CDKAL1: variants seen among roughly 807,000 people sequenced by gnomAD.
CDKAL1 encodes the protein CDKAL1 threonylcarbamoyladenosine tRNA methylthiotransferase.
A neutral mutation model predicts 68.2 loss-of-function variants in CDKAL1; 32 were observed. That is an observed-to-expected ratio of 0.47 (90% CI 0.35 to 0.63). CDKAL1 has a LOEUF of 0.63. CDKAL1 is among the 30% of genes least tolerant of loss of function. The pLI, the probability that CDKAL1 is intolerant of heterozygous loss-of-function variation, is 0.00. For missense variants in CDKAL1, 606 were observed against 696.7 expected, an observed-to-expected ratio of 0.87 and a Z score of 1.47; for synonymous variants, 234 against 244.3, an observed-to-expected ratio of 0.96 and a Z score of 0.39.
At chr6:21,085,543 A>C (rs1772643292) in intron 12 of CDKAL1, among the ~76,000 whole-genome samples, 1 of 152,196 alleles carries the variant, frequency 6.6e-6, no homozygotes, top group Non-Finnish European at 1.5e-5. Context: ...CACTGTTAAC[A>C]AAAAAGTAAC....
intron 12 of CDKAL1, among the ~76,000 whole-genome samples, chr6:21,081,548 A>G (rs903063066): frequency 6.6e-6 from 1 of 151,842 alleles, no homozygotes; most frequent in Non-Finnish European, 1.5e-5. Flanking sequence ...ACTTCTAAAG[A>G]TAAAGAACCT....
intron 4 of CDKAL1, among the ~76,000 whole-genome samples, chr6:20,645,303 TATA>T (rs542845636): frequency 1.5e-3 from 233 of 152,348 alleles, no homozygotes; most frequent in African/African-American, 5.3e-3. Flanking sequence ...CTTAGCTTAC[TATA>T]ATATTTTTAC....
At chr6:20,998,475 G>A (rs992613518) in intron 10 of CDKAL1, among the ~76,000 whole-genome samples, 1 of 152,188 alleles carries the variant, frequency 6.6e-6, no homozygotes, top group Non-Finnish European at 1.5e-5. Flanking sequence ...AGCTGGGCGT[G>A]GTGGCACATG....
intron 12 of CDKAL1, among the ~76,000 whole-genome samples, chr6:21,073,252 T>C (rs1771892292): frequency 6.6e-6 from 1 of 152,196 alleles, no homozygotes; most frequent in Non-Finnish European, 1.5e-5. Flanking sequence ...TGCTTCCAAG[T>C]TTTGGCAATT....
At chr6:20,550,745 G>C (rs1053214476) in intron 4 of CDKAL1, among the ~76,000 whole-genome samples, 3 of 151,860 alleles carry the variant, frequency 2.0e-5, no homozygotes, top group African/African-American at 7.3e-5. Context: ...ACTATAATTC[G>C]AATGCTTTGT....
chr6:20,669,445 GT>G (rs1169752910), intron 5 of CDKAL1, among the ~76,000 whole-genome samples: 12 of 152,076 alleles, frequency 7.9e-5, no homozygotes, highest in African/African-American at 2.7e-4. Flanking sequence ...TATCACCCAT[GT>G]TGTTCTGGAC....
At chr6:21,215,738 A>G (rs1440007562) in intron 15 of CDKAL1, among the ~76,000 whole-genome samples, 1 of 152,122 alleles carries the variant, frequency 6.6e-6, no homozygotes, top group Non-Finnish European at 1.5e-5. Context: ...TCTGAGGTAC[A>G]ATTGTACCCA....
Position 21,117,515 on chromosome 6 carries a change from C to T in CDKAL1, c.1299+9052C>T, listed in dbSNP as rs562764857. Among the ~76,000 whole-genome samples the T allele has an allele frequency of 5.9e-5, 9 of 151,416 alleles. No individual in the cohort carries two copies. In the East Asian group the frequency reaches 9.7e-4, roughly 16 times the overall value. On this transcript the variant is annotated intron_variant, in intron 13 of 15. Coordinates refer to ENST00000274695, the MANE Select transcript of CDKAL1 (RefSeq NM_017774.3). Reference sequence around the variant, plus strand: ...AAAATCAGCTGGGTGTGGTGGTGGGCGCCTGTAGCTACTTGGGAGCCTAAG... The same window carrying T: ...AAAATCAGCTGGGTGTGGTGGTGGGTGCCTGTAGCTACTTGGGAGCCTAAG...
At chr6:21,166,139 A>G (rs1192489441) in intron 13 of CDKAL1, among the ~76,000 whole-genome samples, 1 of 152,208 alleles carries the variant, frequency 6.6e-6, no homozygotes, top group Non-Finnish European at 1.5e-5. Flanking sequence ...TCATATTGTT[A>G]GGAGTTGACC....
intron 12 of CDKAL1, among the ~76,000 whole-genome samples, chr6:21,082,205 G>C (rs1772443217): frequency 6.6e-6 from 1 of 152,154 alleles, no homozygotes; most frequent in Non-Finnish European, 1.5e-5. Flanking sequence ...GAATGACCTG[G>C]TGCTTTATTT....
At chr6:20,795,480 G>C (rs748852142) in intron 8 of CDKAL1, among the ~76,000 whole-genome samples, 3 of 152,118 alleles carry the variant, frequency 2.0e-5, no homozygotes, top group African/African-American at 2.4e-5. Flanking sequence ...TAGTCACTCA[G>C]ATTATTTTCT....
intron 13 of CDKAL1, among the ~76,000 whole-genome samples, chr6:21,143,285 T>G (rs1331622240): frequency 6.6e-6 from 1 of 152,202 alleles, no homozygotes; most frequent in Non-Finnish European, 1.5e-5. Flanking sequence ...AACAAATCTC[T>G]CAAAGTTTGT....
At chr6:20,878,249 G>A (rs1265879038) in intron 9 of CDKAL1, among the ~76,000 whole-genome samples, 3 of 152,280 alleles carry the variant, frequency 2.0e-5, no homozygotes, top group South Asian at 2.1e-4. Flanking sequence ...GTGGAATGGA[G>A]TGGAGACCCA....
At chr6:21,067,864 G>T (rs1455462145) in intron 12 of CDKAL1, among the ~76,000 whole-genome samples, 4 of 152,100 alleles carry the variant, frequency 2.6e-5, no homozygotes, top group Non-Finnish European at 5.9e-5. Flanking sequence ...ATTCTTACCA[G>T]CTCTTGGTAT....
chr6:20,805,600 A>G (rs1776540160), intron 8 of CDKAL1, among the ~76,000 whole-genome samples: 1 of 152,224 alleles, frequency 6.6e-6, no homozygotes, highest in African/African-American at 2.4e-5. Flanking sequence ...AAATAATACA[A>G]TATGCTTTAA....
At chr6:20,702,990 G>A (rs960315454) in intron 5 of CDKAL1, among the ~76,000 whole-genome samples, 1 of 152,204 alleles carries the variant, frequency 6.6e-6, no homozygotes, top group African/African-American at 2.4e-5. Flanking sequence ...ATTGGGTATA[G>A]AGAGAAGTGA....
intron 11 of CDKAL1, among the ~76,000 whole-genome samples, chr6:21,037,877 A>G (rs1769678909): frequency 6.6e-6 from 1 of 152,228 alleles, no homozygotes; most frequent in East Asian, 1.9e-4. Flanking sequence ...AAAAGTTGAC[A>G]ATCAGATCTC....
intron 4 of CDKAL1, among the ~76,000 whole-genome samples, chr6:20,577,549 C>T (rs191620723): frequency 9.9e-5 from 15 of 152,214 alleles, no homozygotes; most frequent in South Asian, 2.1e-4. Flanking sequence ...TTTTCAGTAC[C>T]GTACATAATA....
intron 13 of CDKAL1, among the ~76,000 whole-genome samples, chr6:21,163,723 C>T (rs906812635): frequency 2.6e-5 from 4 of 152,076 alleles, no homozygotes; most frequent in East Asian, 3.9e-4. Context: ...GGCCGAGAGA[C>T]GGGTGGATCA....
Sources: allele counts gnomAD v4.1 joint callset (sites outside exome capture counted in the v4.1 genomes callset), GRCh38; gene constraint gnomAD v4.1.1; transcripts MANE v1.5; gene names NCBI Gene and HGNC (gene_info 2026-07-23, HGNC 2026-07-21).